The following CNOT2 variants were observed in gnomAD, a reference collection of about 807,000 sequenced individuals.
The protein encoded by CNOT2 is CCR4-NOT transcription complex subunit 2.
CNOT2 carries 7 observed loss-of-function variants against 72.1 expected under a neutral mutation model. The observed-to-expected ratio is 0.10, with a 90% CI of 0.06 to 0.18. The LOEUF (loss-of-function observed/expected upper bound fraction) is 0.18, where lower values mean the gene tolerates loss of function less well. CNOT2 is among the 10% of genes least tolerant of loss of function. The probability of loss-of-function intolerance (pLI) is 1.00; values close to 1 mark genes in which losing one functional copy is unlikely to be tolerated. For synonymous variants in CNOT2, 196 were observed against 225.6 expected (o/e 0.87, Z 1.17); for missense variants, 345 against 660.3 (o/e 0.52, Z 5.23).
chr12:70,338,697 G>A lies in CNOT2; in HGVS notation c.1053G>A (p.Val351=), dbSNP rs1451187189. The A allele has an allele frequency of 1.2e-6, 2 of 1,613,446 alleles. No individual in the cohort carries two copies. The highest frequency in any genetic ancestry group is 4.5e-5 in the East Asian group (2 of 44,850). ...TTACTAACATTCCTCAAGGGATGGT[G>A]ACGGACCAATTTGGAATGATTGGCC... ...GRVTNIPQGM[V]TDQFGMIGLL... Residue 351 remains valine (V), a synonymous_variant, in exon 11 of 16, where the codon GTG becomes GTA. Coordinates refer to ENST00000229195, the MANE Select transcript of CNOT2 (RefSeq NM_014515.7).
intron 2 of CNOT2, among the ~76,000 whole-genome samples, chr12:70,278,629 G>C (rs778522187): frequency 1.3e-5 from 2 of 152,168 alleles, no homozygotes; most frequent in Non-Finnish European, 2.9e-5. Context: ...TAAACCCGAA[G>C]TCTTGTGCTA....
At chr12:70,300,247 G>C (rs537697179) in intron 2 of CNOT2, among the ~76,000 whole-genome samples, 8 of 152,056 alleles carry the variant, frequency 5.3e-5, no homozygotes, top group Admixed American at 4.6e-4. Context: ...GTCAATTTTG[G>C]CTTTTGTTGC....
chr12:70,308,376 G>A (rs537259786), intron 2 of CNOT2, among the ~76,000 whole-genome samples: 1 of 151,958 alleles, frequency 6.6e-6, no homozygotes, highest in African/African-American at 2.4e-5. Flanking sequence ...TTGCATTCAT[G>A]GGGGAGAGTA....
intron 2 of CNOT2, among the ~76,000 whole-genome samples, chr12:70,296,381 A>G (rs1371459407): frequency 6.6e-6 from 1 of 152,050 alleles, no homozygotes; most frequent in Admixed American, 6.6e-5. Flanking sequence ...GTGTGTATCT[A>G]CATGTTAACT....
rs368599824 is a variant in CNOT2, at chr12:70,288,440, G to A, written c.48+10166G>A. 2.2e-3 allele frequency among the ~76,000 whole-genome samples: 331 copies of A among 152,114 alleles called. 2 individuals are homozygous for A. Among genetic ancestry groups the A allele is most frequent in the African/African-American group, 7.8e-3 (325 of 41,496 alleles). On this transcript the variant is annotated intron_variant, in intron 2 of 15. Transcript: ENST00000229195. ...GCTGGGATTACAGGCATGAGCCACC[G>A]CTCTCAGCCAGGGTGTAACATTTTA...
At chr12:70,278,306 T>C (rs767156197) in intron 2 of CNOT2, 32 bp downstream of exon 2, 1 of 1,468,162 alleles carries the variant, frequency 6.8e-7, no homozygotes, top group Non-Finnish European at 9.5e-7. Flanking sequence ...TTTTCTCTAT[T>C]GGTCTTATAG....
Position 70,300,045 on chromosome 12 carries a change from G to T in CNOT2, c.49-10850G>T, listed in dbSNP as rs139219705. On this transcript the variant is annotated intron_variant, in intron 2 of 15. Coordinates refer to ENST00000229195, the MANE Select transcript of CNOT2 (RefSeq NM_014515.7). ...CTTCTTTTGAGAAGTGTCTGTTCAT[G>T]TCCTTTGCCCACTTTTTGATGGGGT... 2.6e-5 allele frequency among the ~76,000 whole-genome samples: 4 copies of T among 152,116 alleles called. No homozygotes were observed. In the East Asian group the frequency reaches 7.7e-4, roughly 29 times the overall value.
chr12:70,251,455 C>T (rs1438351107), intron 1 of CNOT2, among the ~76,000 whole-genome samples: 1 of 151,958 alleles, frequency 6.6e-6, no homozygotes, highest in Admixed American at 6.6e-5. Context: ...AATTCTGGGA[C>T]CTCATAGGAG....
At chr12:70,319,112 T>C (rs1877861542) in intron 3 of CNOT2, 186 bp from the exon 4 acceptor site, 1 of 437,814 alleles carries the variant, frequency 2.3e-6, no homozygotes. Flanking sequence ...CAGTTTGGTT[T>C]TATCGAATTG....
rs11412509 is a variant in CNOT2 at position 70,305,873 on chromosome 12, G to GTTTTTT, written c.49-5006_49-5001dup. On this transcript the variant is annotated intron_variant, in intron 2 of 15. Coordinates refer to ENST00000229195, the MANE Select transcript of CNOT2 (RefSeq NM_014515.7). ...TTCTTGGTTATTTTATCTGAAGTTTGTTTTTTTTTTTTTTTTTTTTTGGTA... is the reference window on the plus strand; with the variant it reads ...TTCTTGGTTATTTTATCTGAAGTTTGTTTTTTTTTTTTTTTTTTTTTTTTTTTGGTA... Among the ~76,000 whole-genome samples, 105 of 59,958 alleles carry GTTTTTT rather than the reference G, an allele frequency of 1.8e-3. 3 individuals are homozygous for GTTTTTT. Among genetic ancestry groups the GTTTTTT allele is most frequent in the East Asian group, 2.8e-3 (4 of 1,424 alleles). The allele number at this position is 59,958 out of a possible 152,430, so 39.3% of individuals were successfully genotyped here.
intron 15 of CNOT2, 117 bp from the exon 16 acceptor site, chr12:70,353,710 CTG>C: frequency 6.9e-7 from 1 of 1,450,696 alleles, no homozygotes; most frequent in East Asian, 2.5e-5. Flanking sequence ...GTTGGTATAT[CTG>C]TGTTGATGTT....
intron 1 of CNOT2, among the ~76,000 whole-genome samples, chr12:70,268,407 G>A (rs1013746277): frequency 2.0e-5 from 3 of 152,076 alleles, no homozygotes; most frequent in African/African-American, 7.2e-5. Context: ...TTGTGCCTAT[G>A]TGGTGGTTTT....
chr12:70,318,824 A>T (rs1593221908), intron 3 of CNOT2, among the ~76,000 whole-genome samples: 1 of 151,818 alleles, frequency 6.6e-6, no homozygotes, highest in Admixed American at 6.6e-5. Context: ...TTTTGAGTAT[A>T]TAACACTGCT....
intron 11 of CNOT2, among the ~76,000 whole-genome samples, chr12:70,339,091 TACACACACAC>T (rs1555205817): frequency 7.2e-6 from 1 of 138,314 alleles, no homozygotes; most frequent in Non-Finnish European, 1.5e-5. Context: ...TATATATATA[TACACACACAC>T]ACACACACAC....
chr12:70,339,007 G>T (rs1593270803), intron 11 of CNOT2, among the ~76,000 whole-genome samples, 185 bp downstream of exon 11: 1 of 127,012 alleles, frequency 7.9e-6, no homozygotes. Context: ...TTATAATTTG[G>T]CATTTTATGT....
intron 11 of CNOT2, among the ~76,000 whole-genome samples, chr12:70,339,066 A>ATATGTGTG (rs1881120696): frequency 7.4e-6 from 1 of 134,680 alleles, no homozygotes; most frequent in African/African-American, 3.1e-5. Context: ...GCATGTATAT[A>ATATGTGTG]TGTGTGTGTG....
intron 2 of CNOT2, among the ~76,000 whole-genome samples, chr12:70,281,305 G>C (rs569474724): frequency 6.6e-6 from 1 of 151,888 alleles, no homozygotes; most frequent in Non-Finnish European, 1.5e-5. Flanking sequence ...GGCTGGCCTC[G>C]AACTCCTGAC....
At position 70,338,440 on chromosome 12, in the gene CNOT2, T is replaced by C; in HGVS notation, c.901-3T>C. 6.3e-7 allele frequency: 1 copy of C among 1,589,268 alleles called. No individual in the cohort carries two copies. Among genetic ancestry groups the C allele is most frequent in the Non-Finnish European group, 8.5e-7 (1 of 1,172,686 alleles). Reference sequence around the variant, plus strand: ...ATGTCACATTTAATTTTTTTCATGCTAGAATTTGAATACATCTGGCAAGAC... The same window carrying C: ...ATGTCACATTTAATTTTTTTCATGCCAGAATTTGAATACATCTGGCAAGAC... On this transcript the variant is annotated splice_region_variant and splice_polypyrimidine_tract_variant and intron_variant, in intron 9 of 15. Transcript: ENST00000229195.
chr12:70,276,399 T>A (rs1868811754), intron 1 of CNOT2, among the ~76,000 whole-genome samples: 1 of 152,018 alleles, frequency 6.6e-6, no homozygotes, highest in Non-Finnish European at 1.5e-5. Flanking sequence ...CTATAAGTAC[T>A]GACTGAAATT....
Sources: gnomAD v4.1 joint callset for allele counts (sites outside exome capture counted in the v4.1 genomes callset) on GRCh38, gnomAD v4.1.1 for gene constraint, MANE v1.5 for transcripts, NCBI Gene and HGNC (gene_info 2026-07-23, HGNC 2026-07-21) for gene names.